CACNB1: variants seen among roughly 807,000 people sequenced by gnomAD.
CACNB1 encodes voltage-dependent L-type calcium channel subunit beta-1.
In CACNB1, 29 loss-of-function variants were observed where a neutral mutation model predicts 71.6. That is an observed-to-expected ratio of 0.40 (90% CI 0.30 to 0.55). CACNB1 has a LOEUF of 0.55. Ranked by LOEUF, CACNB1 falls within the 20% of genes least tolerant of loss-of-function variation. The pLI is 0.38. For missense variants in CACNB1, 623 were observed against 801.8 expected (o/e 0.78, Z 2.69); for synonymous variants, 300 against 319.6 (o/e 0.94, Z 0.65).
chr17:39,192,355 CT>C, intron 2 of CACNB1: 1 of 152,476 alleles, frequency 6.6e-6, no homozygotes, highest in South Asian at 2.1e-4. Context: ...CAAGGGACTC[CT>C]TTAGGGATGC....
intron 8 of CACNB1, 88 bp downstream of exon 8, chr17:39,184,696 T>G: frequency 1.0e-6 from 1 of 958,778 alleles, no homozygotes; most frequent in Non-Finnish European, 1.7e-6. Context: ...GAGGATGCCT[T>G]GGGATCGGGC....
intron 1 of CACNB1, among the ~76,000 whole-genome samples, chr17:39,196,355 G>A (rs2144189503): frequency 6.6e-6 from 1 of 152,116 alleles, no homozygotes; most frequent in East Asian, 1.9e-4. Context: ...CTGCCAGGCT[G>A]GGCAAAGGGA....
intron 2 of CACNB1, 74 bp from the exon 3 acceptor site, chr17:39,191,667 G>A (rs1019824387): frequency 2.6e-6 from 4 of 1,516,334 alleles, no homozygotes; most frequent in Non-Finnish European, 3.6e-6. Context: ...GCATGGAGGT[G>A]CCACCCATCA....
rs554399097 is a variant in CACNB1 at position 39,188,972 on chromosome 17, G to A, written c.292-1371C>T. On this transcript the variant is annotated intron_variant, in intron 3 of 13. Transcript: ENST00000394303. ...GCAGGAGAAACACTTGAATCTGGGA[G>A]GTGGAGGTTGCAGTGAGCTGAGATG... is the stretch of plus-strand genomic sequence containing the variant. 1.1e-4 allele frequency among the ~76,000 whole-genome samples: 17 copies of A among 152,250 alleles called. 1 individual carries two copies. In the Middle Eastern group the frequency reaches 0.01, roughly 91 times the overall value.
intron 2 of CACNB1, chr17:39,193,032 A>AC (rs2046119112): frequency 6.2e-6 from 1 of 162,064 alleles, no homozygotes; most frequent in African/African-American, 2.4e-5. Context: ...GCACTCACCG[A>AC]CCCCAACACA....
At chr17:39,185,865 A>G (rs2045924935) in intron 6 of CACNB1, 1 of 1,452,498 alleles carries the variant, frequency 6.9e-7, no homozygotes, top group Non-Finnish European at 9.3e-7. Context: ...TTGGTACCAC[A>G]TCTGAATCCA....
chr17:39,184,923 C>A, intron 7 of CACNB1, 59 bp from the exon 8 acceptor site: 2 of 1,257,892 alleles, frequency 1.6e-6, no homozygotes, highest in South Asian at 2.4e-5. Flanking sequence ...GATCCTCTCC[C>A]CCAGACTCCA....
chr17:39,175,629 G>A lies in CACNB1; in HGVS notation c.1361C>T (p.Pro454Leu). 1 of 1,577,016 alleles carries A rather than the reference G, an allele frequency of 6.3e-7. No homozygotes were observed. The highest frequency in any genetic ancestry group is 8.6e-7 in the Non-Finnish European group (1 of 1,159,870). ...QGPYLASGDQPLERATGEHAS... is the reference protein window; with the variant it reads ...QGPYLASGDQLLERATGEHAS... ...GTGCTCCCCGGTGGCCCGTTCCAGTGGCTGGTCCCCGGAAGCAAGGTAGGG... is the reference window on the plus strand; with the variant it reads ...GTGCTCCCCGGTGGCCCGTTCCAGTAGCTGGTCCCCGGAAGCAAGGTAGGG... Residue 454 changes from proline to leucine, a missense_variant, in exon 14 of 14, where the codon CCA (proline) becomes CTA (leucine). Coordinates refer to ENST00000394303, the MANE Select transcript of CACNB1 (RefSeq NM_000723.5). The surrounding 1 kb of genome is among the most constrained non-coding windows in gnomAD (Gnocchi z 4.7).
intron 13 of CACNB1, among the ~76,000 whole-genome samples, chr17:39,176,489 G>T (rs1418524064): frequency 6.6e-6 from 1 of 152,302 alleles, no homozygotes; most frequent in East Asian, 1.9e-4. Context: ...TGGGTGGGAA[G>T]GGCACAGAAG....
rs752008625 is a variant in CACNB1 at position 39,178,027 on chromosome 17, T to C, written c.1103A>G (p.Asn368Ser). 1 of 1,614,116 alleles carries C rather than the reference T, an allele frequency of 6.2e-7. No individual in the cohort carries two copies. The highest frequency in any genetic ancestry group is 8.5e-7 in the Non-Finnish European group (1 of 1,179,980). ...SRGKSQSKHL[N>S]VQIAASEKLA... ...CTTTTCCGAGGCCGCTATTTGGACA[T>C]TGAGGTGTTTGGACTGAGACTTTCC... Residue 368 changes from asparagine to serine, a missense_variant, in exon 12 of 14, where the codon AAT becomes AGT. Asn to Ser is a conservative substitution (Grantham distance 46). Coordinates refer to ENST00000394303, the MANE Select transcript of CACNB1 (RefSeq NM_000723.5).
In CACNB1 at chr17:39,186,612, G is replaced by T; in HGVS notation, c.552-40C>A. Reference sequence around the variant, plus strand: ...GCAAACCGAGCTTGTGAGCAAAGAGGTGGGCGTGGGGGGCTCTCATCCTCT... The same window carrying T: ...GCAAACCGAGCTTGTGAGCAAAGAGTTGGGCGTGGGGGGCTCTCATCCTCT... On this transcript the variant is annotated intron_variant, in intron 5 of 13. Transcript: ENST00000394303. This position sits in a 1 kb window ranked among gnomAD's most constrained non-coding sequence, Gnocchi z 4.1. The T allele has an allele frequency of 2.5e-6, 4 of 1,577,652 alleles. No individual in the cohort carries two copies. The highest frequency in any genetic ancestry group is 2.6e-6 in the Non-Finnish European group (3 of 1,149,202).
chr17:39,181,319 C>CT (rs1439845431), intron 11 of CACNB1, among the ~76,000 whole-genome samples: 1 of 152,156 alleles, frequency 6.6e-6, no homozygotes, highest in East Asian at 1.9e-4. Flanking sequence ...GTCTTGAACT[C>CT]TTTAGCTCAG....
intron 6 of CACNB1, among the ~76,000 whole-genome samples, chr17:39,185,565 C>G (rs569578888): frequency 5.9e-5 from 9 of 152,134 alleles, no homozygotes; most frequent in Middle Eastern, 6.8e-3. Context: ...AGCCCCCCCC[C>G]ACTATGTGCC....
intron 11 of CACNB1, among the ~76,000 whole-genome samples, chr17:39,180,923 C>T (rs1259090255): frequency 6.6e-6 from 1 of 151,536 alleles, no homozygotes; most frequent in Admixed American, 6.6e-5. Flanking sequence ...AATTCTACCT[C>T]AATAAAATGT....
rs528734655 is a variant in CACNB1 at position 39,185,192 on chromosome 17, A to C, written c.629-42T>G. On this transcript the variant is annotated intron_variant, in intron 6 of 13. Coordinates refer to ENST00000394303, the MANE Select transcript of CACNB1 (RefSeq NM_000723.5). ...CCAAGAGAGGGAAGGGGGAGGAGAG[A>C]GGGAAGGGGACCCAGGCAGGGGCAG... 12 of 1,563,522 alleles carry C rather than the reference A, an allele frequency of 7.7e-6. No individual in the cohort carries two copies. The East Asian group carries it at 2.7e-4, about 35-fold the overall frequency.
At chr17:39,184,164 G>T in intron 9 of CACNB1, 24 bp from the exon 10 acceptor site, 1 of 1,484,626 alleles carries the variant, frequency 6.7e-7, no homozygotes, top group Non-Finnish European at 9.4e-7. Context: ...CAAGAGGGGA[G>T]TCAGGGGTCA....
rs767977795 is a variant in CACNB1, at chr17:39,185,607, A to G, written c.629-457T>C. On this transcript the variant is annotated intron_variant, in intron 6 of 13. Coordinates refer to ENST00000394303, the MANE Select transcript of CACNB1 (RefSeq NM_000723.5). Reference sequence around the variant, plus strand: ...GAGAGTCAAAAAAGGGCAAAGAAGGAATGCCATCCCATGTCCTGCTTCACA... The same window carrying G: ...GAGAGTCAAAAAAGGGCAAAGAAGGGATGCCATCCCATGTCCTGCTTCACA... Among the ~76,000 whole-genome samples the G allele has an allele frequency of 2.0e-5, 3 of 150,158 alleles. No individual in the cohort carries two copies. In the East Asian group the frequency reaches 6.0e-4, roughly 30 times the overall value.
chr17:39,193,094 A>G (rs775696990), intron 2 of CACNB1: 6 of 194,382 alleles, frequency 3.1e-5, no homozygotes, highest in African/African-American at 4.8e-5. Flanking sequence ...ACACAAATGC[A>G]GGCATACGCG....
intron 7 of CACNB1, 120 bp from the exon 8 acceptor site, chr17:39,184,984 G>C: frequency 1.0e-6 from 1 of 968,160 alleles, no homozygotes; most frequent in Non-Finnish European, 1.7e-6. Flanking sequence ...CCAGATGTAG[G>C]GATCAGGGTG....
Sources: gnomAD v4.1 joint callset for allele counts (sites outside exome capture counted in the v4.1 genomes callset) on GRCh38, gnomAD v4.1.1 for gene constraint, Gnocchi (gnomAD v3.1) non-coding constraint, MANE v1.5 for transcripts, NCBI Gene and HGNC (gene_info 2026-07-23, HGNC 2026-07-21) for gene names.